The following ADAMTS10 variants were observed in gnomAD, a reference collection of about 807,000 sequenced individuals.
ADAMTS10 encodes the protein A disintegrin and metalloproteinase with thrombospondin motifs 10.
A neutral mutation model predicts 135.9 loss-of-function variants in ADAMTS10; 48 were observed. That is an observed-to-expected ratio of 0.35 (90% CI 0.28 to 0.45). The LOEUF (loss-of-function observed/expected upper bound fraction) is 0.45, where lower values mean the gene tolerates loss of function less well. ADAMTS10 is among the 20% of genes least tolerant of loss of function. The pLI, the probability that ADAMTS10 is intolerant of heterozygous loss-of-function variation, is 1.00. For missense variants in ADAMTS10, 1,131 were observed against 1,565.2 expected (o/e 0.72, Z 4.68); for synonymous variants, 621 against 647.5 (o/e 0.96, Z 0.62).
rs1348602641 is a variant in ADAMTS10, at chr19:8,610,444, C to CA, written c.-215+199dup. Reference sequence around the variant, plus strand: ...ACGGACACACACACACACACACACACACAGCGCAAACAAACCCACGGCAAC... The same window carrying CA: ...ACGGACACACACACACACACACACACAACAGCGCAAACAAACCCACGGCAAC... On this transcript the variant is annotated intron_variant, in intron 1 of 25. Coordinates refer to ENST00000597188, the MANE Select transcript of ADAMTS10 (RefSeq NM_030957.4). Among the ~76,000 whole-genome samples, 300 of 151,606 alleles carry CA rather than the reference C, an allele frequency of 2.0e-3. 2 individuals are homozygous for CA. Among genetic ancestry groups the CA allele is most frequent in the Middle Eastern group, 3.4e-3 (1 of 294 alleles).
In ADAMTS10 at chr19:8,605,687, GAGGA is replaced by G; in HGVS notation, c.20_23del (p.Ile7ThrfsTer82). 6.2e-7 allele frequency: 1 copy of G among 1,612,162 alleles called. No individual in the cohort carries two copies. Among genetic ancestry groups the G allele is most frequent in the Admixed American group, 1.7e-5 (1 of 59,934 alleles). On this transcript the variant is annotated frameshift_variant, in exon 3 of 26. Transcript: ENST00000597188. LOFTEE classifies it high-confidence loss of function. This position sits in a 1 kb window ranked among gnomAD's most constrained non-coding sequence, Gnocchi z 7.7. The stretch of plus-strand genomic sequence containing the variant: ...CCAGCCCCAGGGCGAGGGCCCAGCG[GAGGA>G]TCTGGCAGGCGGGAGCCATAGAGGC...
chr19:8,592,635 A>G lies in ADAMTS10; in HGVS notation c.1587+128T>C, dbSNP rs1287593201. 4.1e-6 allele frequency: 4 copies of G among 973,868 alleles called. No homozygotes were observed. The African/African-American group carries it at 6.5e-5, about 16-fold the overall frequency. The allele number at this position is 973,868 out of a possible 1,614,324, so 60.3% of individuals were successfully genotyped here. On this transcript the variant is annotated intron_variant, in intron 13 of 25. Transcript: ENST00000597188. ...TAGGCGTGGCCACAGCCGAGGGAGC[A>G]CAAATGGCGGGCGTGGCCAATGTGG...
chr19:8,599,757 G>A (rs1423114722), intron 6 of ADAMTS10, among the ~76,000 whole-genome samples: 2 of 151,994 alleles, frequency 1.3e-5, no homozygotes, highest in African/African-American at 4.8e-5. Flanking sequence ...CTACAGGCAT[G>A]TGCCACCATG....
chr19:8,590,981 T>C (rs1374647792), intron 15 of ADAMTS10, among the ~76,000 whole-genome samples: 2 of 152,150 alleles, frequency 1.3e-5, no homozygotes, highest in East Asian at 1.9e-4. Flanking sequence ...GAAGACCTGG[T>C]TCCCCCCAGC....
intron 6 of ADAMTS10, among the ~76,000 whole-genome samples, chr19:8,598,396 G>T (rs2042627995): frequency 6.6e-6 from 1 of 151,642 alleles, no homozygotes; most frequent in African/African-American, 2.4e-5. Context: ...GTACCAATTT[G>T]CCCATCACCA....
intron 11 of ADAMTS10, 32 bp from the exon 12 acceptor site, chr19:8,595,935 G>C (rs2042598331): frequency 6.2e-7 from 1 of 1,614,108 alleles, no homozygotes; most frequent in Non-Finnish European, 8.5e-7. Flanking sequence ...TGTCATGCTA[G>C]GTGGCTGCAA....
intron 1 of ADAMTS10, among the ~76,000 whole-genome samples, chr19:8,608,652 G>T (rs1190993984): frequency 6.6e-6 from 1 of 151,988 alleles, no homozygotes; most frequent in Non-Finnish European, 1.5e-5. Context: ...CAGGCCTGGT[G>T]CCCCATCCTC....
At position 8,601,471 on chromosome 19, in the gene ADAMTS10, C is replaced by T. The variant is rs1286452971; in HGVS notation, c.593-326G>A. ...CTGCCTCCCAGGTTCAAGCGATTCT[C>T]CTGCCTCAGCCTCCCGAGTAGCTGG... On this transcript the variant is annotated intron_variant, in intron 5 of 25. Transcript: ENST00000597188. This position sits in a 1 kb window ranked among gnomAD's most constrained non-coding sequence, Gnocchi z 4.6. Among the ~76,000 whole-genome samples the T allele has an allele frequency of 4.0e-5, 6 of 151,766 alleles. No individual in the cohort carries two copies. In the East Asian group the frequency reaches 1.2e-3, roughly 29 times the overall value.
intron 12 of ADAMTS10, among the ~76,000 whole-genome samples, chr19:8,594,890 G>A (rs1364390884): frequency 3.3e-5 from 5 of 152,130 alleles, no homozygotes; most frequent in Non-Finnish European, 7.4e-5. Context: ...AGGATGTTGG[G>A]GGGTGTCAAG....
At chr19:8,598,532 G>A (rs180935049) in intron 6 of ADAMTS10, among the ~76,000 whole-genome samples, 28 of 149,284 alleles carry the variant, frequency 1.9e-4, no homozygotes, top group Non-Finnish European at 3.6e-4. Flanking sequence ...TTGGAACCCT[G>A]GGTAATCATT....
In ADAMTS10 at chr19:8,581,624, C is replaced by T. The variant is rs557034569; in HGVS notation, c.3203-622G>A. The stretch of plus-strand genomic sequence containing the variant: ...CCGAGGCAGGTGGATCACTTCAGGT[C>T]GGGAGTTTGAAACCAGCCTGGCCAA... On this transcript the variant is annotated intron_variant, in intron 25 of 25. Transcript: ENST00000597188. 7.9e-5 allele frequency among the ~76,000 whole-genome samples: 12 copies of T among 151,928 alleles called. No homozygotes were observed. In the East Asian group the frequency reaches 1.4e-3, roughly 17 times the overall value.
At position 8,605,440 on chromosome 19, in the gene ADAMTS10, G is replaced by T; in HGVS notation, c.89-82C>A. 1 of 1,493,042 alleles carries T rather than the reference G, an allele frequency of 6.7e-7. No individual in the cohort carries two copies. Among genetic ancestry groups the T allele is most frequent in the African/African-American group, 1.4e-5 (1 of 72,084 alleles). 92.5% of individuals were successfully genotyped at this position (1,493,042 alleles called of 1,614,324 possible). A position where few individuals can be genotyped will look rare whatever the true frequency, so the allele number is the denominator to read the frequency against. ...CCTGGCTGTTAGGCTGCTGGAGCAA[G>T]TGATGCTGGCCTCACTGACCCCCGA... On this transcript the variant is annotated intron_variant, in intron 3 of 25. Coordinates refer to ENST00000597188, the MANE Select transcript of ADAMTS10 (RefSeq NM_030957.4). The surrounding 1 kb of genome is among the most constrained non-coding windows in gnomAD (Gnocchi z 7.7).
At chr19:8,608,837 T>C (rs1220873083) in intron 1 of ADAMTS10, among the ~76,000 whole-genome samples, 2 of 151,772 alleles carry the variant, frequency 1.3e-5, no homozygotes, top group African/African-American at 4.8e-5. Context: ...GTTTGGGACA[T>C]TGTGGAAGGA....
At position 8,605,425 on chromosome 19, in the gene ADAMTS10, A is replaced by G; in HGVS notation, c.89-67T>C. The G allele has an allele frequency of 6.6e-7, 1 of 1,509,946 alleles. No homozygotes were observed. The highest frequency in any genetic ancestry group is 9.0e-7 in the Non-Finnish European group (1 of 1,111,720). 93.5% of individuals were successfully genotyped at this position (1,509,946 alleles called of 1,614,324 possible). A position where few individuals can be genotyped will look rare whatever the true frequency, so the allele number is the denominator to read the frequency against. On this transcript the variant is annotated intron_variant, in intron 3 of 25. Coordinates refer to ENST00000597188, the MANE Select transcript of ADAMTS10 (RefSeq NM_030957.4). The surrounding 1 kb of genome is among the most constrained non-coding windows in gnomAD (Gnocchi z 7.7). ...ATTGGACCCCTGTGTCCTGGCTGTTAGGCTGCTGGAGCAAGTGATGCTGGC... is the reference window on the plus strand; with the variant it reads ...ATTGGACCCCTGTGTCCTGGCTGTTGGGCTGCTGGAGCAAGTGATGCTGGC...
At chr19:8,585,749 C>T (rs2042419638) in intron 22 of ADAMTS10, 89 bp from the exon 23 acceptor site, 15 of 1,318,392 alleles carry the variant, frequency 1.1e-5, no homozygotes, top group Non-Finnish European at 1.6e-5. Flanking sequence ...CCCCACCCTT[C>T]CAATCACCCA....
chr19:8,605,363 G>T lies in ADAMTS10; in HGVS notation c.89-5C>A. On this transcript the variant is annotated splice_region_variant and splice_polypyrimidine_tract_variant and intron_variant, in intron 3 of 25. Coordinates refer to ENST00000597188, the MANE Select transcript of ADAMTS10 (RefSeq NM_030957.4). The surrounding 1 kb of genome is among the most constrained non-coding windows in gnomAD (Gnocchi z 7.7). ...CCAGACTGGACAGGAACTCATCTGT[G>T]GGTGAGGGTCAGAGGCCTGGGGTGG... The T allele has an allele frequency of 2.5e-6, 4 of 1,591,946 alleles. No individual in the cohort carries two copies. The highest frequency in any genetic ancestry group is 1.1e-5 in the South Asian group (1 of 88,074).
intron 14 of ADAMTS10, 24 bp from the exon 15 acceptor site, chr19:8,591,887 G>A: frequency 1.2e-6 from 2 of 1,612,996 alleles, no homozygotes; most frequent in Non-Finnish European, 1.7e-6. Context: ...TGGGATAGGA[G>A]AGGGATGAGG....
intron 15 of ADAMTS10, 116 bp from the exon 16 acceptor site, chr19:8,590,107 G>A (rs1000749690): frequency 4.0e-6 from 3 of 759,014 alleles, no homozygotes; most frequent in Non-Finnish European, 6.9e-6. Flanking sequence ...GGAGGCCAGG[G>A]AGGAGGCTGT....
In ADAMTS10 at chr19:8,596,296, C is replaced by T. The variant is rs782035935; in HGVS notation, c.1190+11G>A. The T allele has an allele frequency of 3.1e-6, 5 of 1,612,890 alleles. No homozygotes were observed. The highest frequency in any genetic ancestry group is 3.3e-5 in the Admixed American group (2 of 59,980). On this transcript the variant is annotated intron_variant, in intron 10 of 25. Transcript: ENST00000597188. This position sits in a 1 kb window ranked among gnomAD's most constrained non-coding sequence, Gnocchi z 7.2. ...CTCCCCTCCTCCCCCTCTTGTGTGC[C>T]CTGGCCTCACGTGTGCCCGATCTCG...
Sources: allele counts gnomAD v4.1 joint callset (sites outside exome capture counted in the v4.1 genomes callset), GRCh38; gene constraint gnomAD v4.1.1; non-coding constraint Gnocchi (gnomAD v3.1); transcripts MANE v1.5; gene names NCBI Gene and HGNC (gene_info 2026-07-23, HGNC 2026-07-21).